The following MLXIPL variants were observed in gnomAD, a reference collection of about 807,000 sequenced individuals.
The protein encoded by MLXIPL is carbohydrate-responsive element-binding protein.
Under a neutral mutation model 81.5 loss-of-function variants are expected in MLXIPL, and 49 were observed. That is an observed-to-expected ratio of 0.60 (90% CI 0.48 to 0.76). The LOEUF (loss-of-function observed/expected upper bound fraction) is 0.76, where lower values mean the gene tolerates loss of function less well. Among genes scored for constraint, MLXIPL ranks in the 30% least tolerant of loss-of-function variants. MLXIPL has a pLI of 0.00. For synonymous variants in MLXIPL, 466 were observed against 485.5 expected, an observed-to-expected ratio of 0.96 and a Z score of 0.53; for missense variants, 1,053 against 1,167.0, an observed-to-expected ratio of 0.90 and a Z score of 1.42.
intron 2 of MLXIPL, chr7:73,610,162 G>C (rs1411084384): frequency 1.3e-5 from 2 of 152,228 alleles, no homozygotes; most frequent in South Asian, 2.1e-4. Context: ...GGGTCTAATT[G>C]AGAAAAAAAT....
intron 1 of MLXIPL, 44 bp downstream of exon 1, chr7:73,624,156 C>G: frequency 6.6e-7 from 1 of 1,512,394 alleles, no homozygotes; most frequent in South Asian, 1.3e-5. Context: ...CCCCCCCATC[C>G]CCACCTGGAA....
chr7:73,640,779 A>G, the MLXIPL span, among the ~76,000 whole-genome samples: 1 of 149,740 alleles, frequency 6.7e-6, no homozygotes, highest in East Asian at 1.9e-4. Context: ...TCCATCTCAA[A>G]AAAAAAAAAA....
upstream of MLXIPL, among the ~76,000 whole-genome samples, chr7:73,625,517 G>A (rs1796689280): frequency 6.6e-6 from 1 of 152,130 alleles, no homozygotes; most frequent in Non-Finnish European, 1.5e-5. Flanking sequence ...AGCACTTTGG[G>A]AGGCCATGGT....
chr7:73,634,805 T>TTTA, the MLXIPL span, among the ~76,000 whole-genome samples: 2,886 of 147,010 alleles, frequency 0.02, 42 homozygotes, highest in African/African-American at 0.042. Flanking sequence ...TCTATATGTA[T>TTTA]TTATTATTAT....
At position 73,596,404 on chromosome 7, in the gene MLXIPL, G is replaced by A. The variant is rs200956763; in HGVS notation, c.1898C>T (p.Pro633Leu). 6.6e-5 allele frequency: 106 copies of A among 1,612,994 alleles called. No homozygotes were observed. Among genetic ancestry groups the A allele is most frequent in the Admixed American group, 1.8e-4 (11 of 59,994 alleles). Reference protein sequence around the residue: ...PGTLSVRVSPPQPILSRGRPD... With the variant: ...PGTLSVRVSPLQPILSRGRPD... The stretch of plus-strand genomic sequence containing the variant: ...ACGGCCCCGGCTGAGGATGGGTTGC[G>A]GGGGAGAGACACGGACGCTCAGAGT... Residue 633 changes from proline to leucine, a missense_variant, in exon 12 of 17, where the codon CCG becomes CTG. This residue lies in a region of MLXIPL where 823 missense variants were observed against 933.0 expected (regional missense o/e 0.88). Coordinates refer to ENST00000313375, the MANE Select transcript of MLXIPL (RefSeq NM_032951.3). The surrounding 1 kb of genome is among the most constrained non-coding windows in gnomAD (Gnocchi z 4.7).
At chr7:73,615,013 C>T (rs563268129) in intron 2 of MLXIPL, among the ~76,000 whole-genome samples, 2 of 152,036 alleles carry the variant, frequency 1.3e-5, no homozygotes, top group African/African-American at 2.4e-5. Context: ...GGTTTCACTG[C>T]GTTAGGCAGG....
the MLXIPL span, among the ~76,000 whole-genome samples, chr7:73,636,537 G>GGGGTGCCAGCA: frequency 6.6e-6 from 1 of 152,104 alleles, no homozygotes; most frequent in Non-Finnish European, 1.5e-5. Context: ...TCAACTGGCT[G>GGGGTGCCAGCA]GGGTGCCAGC....
chr7:73,596,965 G>A lies in MLXIPL; in HGVS notation c.1604-33C>T. 1 of 1,595,382 alleles carries A rather than the reference G, an allele frequency of 6.3e-7. No homozygotes were observed. Among genetic ancestry groups the A allele is most frequent in the South Asian group, 1.1e-5 (1 of 88,050 alleles). ...CGGGCAGAACCGTGAGGCTACTGGGGCTGGCCCACCCCCGGCATCTATCAA... is the reference window on the plus strand; with the variant it reads ...CGGGCAGAACCGTGAGGCTACTGGGACTGGCCCACCCCCGGCATCTATCAA... On this transcript the variant is annotated intron_variant, in intron 9 of 16. Coordinates refer to ENST00000313375, the MANE Select transcript of MLXIPL (RefSeq NM_032951.3). This position sits in a 1 kb window ranked among gnomAD's most constrained non-coding sequence, Gnocchi z 4.7.
In MLXIPL at chr7:73,624,184, C is replaced by A; in HGVS notation, c.293+16G>T. ...ACCTGGAAGCCAAGGCCGTCAGGGC[C>A]CGGAACCGCCCTCACCTGTAGGCCA... On this transcript the variant is annotated intron_variant, in intron 1 of 16. Transcript: ENST00000313375. 6.4e-7 allele frequency: 1 copy of A among 1,558,812 alleles called. No homozygotes were observed. The highest frequency in any genetic ancestry group is 1.9e-5 in the Admixed American group (1 of 53,178).
In MLXIPL at chr7:73,616,132, C is replaced by T. The variant is rs1795995766; in HGVS notation, c.339G>A (p.Lys113=). ...GGCGGATCTTGTCTCTGCAGAGCAG[C>T]TTGAGGCCTTTGAAATTCTTCCACT... ...SPKWKNFKGL[K]LLCRDKIRLN... Residue 113 remains lysine, a synonymous_variant, in exon 2 of 17, where the codon AAG becomes AAA. Transcript: ENST00000313375. The T allele has an allele frequency of 1.2e-6, 2 of 1,614,102 alleles. No homozygotes were observed. Among genetic ancestry groups the T allele is most frequent in the South Asian group, 1.1e-5 (1 of 91,076 alleles).
At chr7:73,640,208 C>T in the MLXIPL span, among the ~76,000 whole-genome samples, 8 of 150,920 alleles carry the variant, frequency 5.3e-5, no homozygotes, top group South Asian at 1.7e-3. Flanking sequence ...AGTTCAAGAC[C>T]AGCCTGGGCA....
chr7:73,594,845 A>T (rs1794141849), intron 15 of MLXIPL, among the ~76,000 whole-genome samples: 2 of 83,800 alleles, frequency 2.4e-5, no homozygotes, highest in Non-Finnish European at 2.1e-5. Context: ...CTGTGCTCGG[A>T]CTTTTTTTTT....
chr7:73,637,742 G>A, the MLXIPL span, among the ~76,000 whole-genome samples: 1 of 152,212 alleles, frequency 6.6e-6, no homozygotes, highest in Non-Finnish European at 1.5e-5. Context: ...GTGAGCTCAT[G>A]TTCCAGGCTA....
upstream of MLXIPL, among the ~76,000 whole-genome samples, chr7:73,629,161 G>C (rs1796797615): frequency 6.6e-6 from 1 of 151,866 alleles, no homozygotes; most frequent in South Asian, 2.1e-4. Flanking sequence ...TCCTGCCTCA[G>C]CCTCCTGAGG....
chr7:73,622,200 A>T (rs1237810589), intron 1 of MLXIPL, among the ~76,000 whole-genome samples: 10 of 151,476 alleles, frequency 6.6e-5, no homozygotes, highest in African/African-American at 2.4e-4. Flanking sequence ...ATTAAAGAAA[A>T]TTTTTTTTGG....
chr7:73,624,532 A>C (rs1796604163), upstream of MLXIPL: 3 of 1,499,998 alleles, frequency 2.0e-6, no homozygotes, highest in African/African-American at 1.4e-5. Context: ...TGCTCCGCGC[A>C]GCGCGGGGAA....
upstream of MLXIPL, among the ~76,000 whole-genome samples, chr7:73,624,923 T>C (rs1796647239): frequency 6.6e-6 from 1 of 151,834 alleles, no homozygotes; most frequent in Admixed American, 6.6e-5. Flanking sequence ...TAGCCGGACA[T>C]AGTGGAGAAA....
At chr7:73,594,469 G>T in intron 15 of MLXIPL, 66 bp from the exon 16 acceptor site, 1 of 1,592,660 alleles carries the variant, frequency 6.3e-7, no homozygotes, top group Non-Finnish European at 8.5e-7. Flanking sequence ...GAGCCCTGAT[G>T]CCCAGTTCAA....
rs1794483270 is a variant in MLXIPL, at chr7:73,597,916, G to A, written c.1072-203C>T. Among the ~76,000 whole-genome samples, 5 of 151,964 alleles carry A rather than the reference G, an allele frequency of 3.3e-5. No homozygotes were observed. The South Asian group carries it at 1.0e-3, about 32-fold the overall frequency. On this transcript the variant is annotated intron_variant, in intron 8 of 16. Coordinates refer to ENST00000313375, the MANE Select transcript of MLXIPL (RefSeq NM_032951.3). ...AGCAGGGAAATTACAATGAGAGGAG[G>A]GAGTCGAGTACATTTATGCAAAAAG... is the stretch of plus-strand genomic sequence containing the variant.
Sources: gnomAD v4.1 joint callset for allele counts (sites outside exome capture counted in the v4.1 genomes callset) on GRCh38, gnomAD v4.1.1 for gene constraint, gnomAD v4.1.1 regional missense constraint, Gnocchi (gnomAD v3.1) non-coding constraint, MANE v1.5 for transcripts, NCBI Gene and HGNC (gene_info 2026-07-23, HGNC 2026-07-21) for gene names.